Variants in FRAS1 observed in about 807,000 individuals in gnomAD.
FRAS1 encodes the protein extracellular matrix organizing protein FRAS1.
In FRAS1, 290 loss-of-function variants were observed where a neutral mutation model predicts 435.2. The observed-to-expected ratio is 0.67, with a 90% confidence interval of 0.61 to 0.73. The LOEUF (loss-of-function observed/expected upper bound fraction) is 0.73, where lower values mean the gene tolerates loss of function less well. Ranked by LOEUF, FRAS1 falls within the 30% of genes least tolerant of loss-of-function variation. FRAS1 has a pLI of 0.00. For synonymous variants in FRAS1, 1,800 were observed against 1,851.0 expected (o/e 0.97, Z 0.71); for missense variants, 4,860 against 5,001.5 (o/e 0.97, Z 0.85).
Position 78,118,127 on chromosome 4 carries a change from G to A in FRAS1, c.108+52111G>A, listed in dbSNP as rs755644486. 2.5e-4 allele frequency among the ~76,000 whole-genome samples: 38 copies of A among 152,280 alleles called. 1 individual carries two copies. The highest frequency in any genetic ancestry group is 1.5e-3 in the South Asian group (7 of 4,822). ...CCCTCTTTGCCTGGGTATCAGCAGC[G>A]GAGCCTGCAGAACAGCAGATATTGG... On this transcript the variant is annotated intron_variant, in intron 2 of 73. Transcript: ENST00000512123.
In FRAS1 at chr4:78,386,369, G is replaced by A. The variant is rs548534458; in HGVS notation, c.3649-1006G>A. On this transcript the variant is annotated intron_variant, in intron 28 of 73. Coordinates refer to ENST00000512123, the MANE Select transcript of FRAS1 (RefSeq NM_025074.7). Reference sequence around the variant, plus strand: ...CTTTGACTTTTCCTCTTTCAGAGTAGGAGGGGTCACTCTTTCCCATGTATA... The same window carrying A: ...CTTTGACTTTTCCTCTTTCAGAGTAAGAGGGGTCACTCTTTCCCATGTATA... Among the ~76,000 whole-genome samples the A allele has an allele frequency of 8.5e-5, 13 of 152,048 alleles. No individual in the cohort carries two copies. In the South Asian group the frequency reaches 2.7e-3, roughly 32 times the overall value.
At chr4:78,128,836 A>G (rs974739822) in intron 2 of FRAS1, among the ~76,000 whole-genome samples, 5 of 152,158 alleles carry the variant, frequency 3.3e-5, no homozygotes, top group African/African-American at 1.2e-4. Context: ...GCCCATGCCT[A>G]TGTCCTGAAT....
intron 2 of FRAS1, among the ~76,000 whole-genome samples, chr4:78,078,003 G>A (rs1383963968): frequency 6.6e-6 from 1 of 151,534 alleles, no homozygotes; most frequent in African/African-American, 2.4e-5. Flanking sequence ...CTAAATATTA[G>A]ATGAGTTTAT....
chr4:78,278,208 C>T (rs541417965), intron 9 of FRAS1, among the ~76,000 whole-genome samples: 2 of 152,318 alleles, frequency 1.3e-5, no homozygotes, highest in South Asian at 4.1e-4. Flanking sequence ...CTTAAGACTA[C>T]ATCTGTACAT....
chr4:78,319,190 G>C (rs1487156084), intron 18 of FRAS1, among the ~76,000 whole-genome samples: 2 of 152,212 alleles, frequency 1.3e-5, no homozygotes, highest in African/African-American at 4.8e-5. Flanking sequence ...TGATCTTAAA[G>C]AGCTAATCCC....
intron 3 of FRAS1, among the ~76,000 whole-genome samples, chr4:78,241,643 G>A (rs941238100): frequency 5.3e-5 from 8 of 152,108 alleles, no homozygotes; most frequent in Non-Finnish European, 1.2e-4. Context: ...AGGAGAATGG[G>A]AGGCCAGCTG....
chr4:78,186,637 T>C (rs1722282987), intron 2 of FRAS1, among the ~76,000 whole-genome samples: 1 of 152,196 alleles, frequency 6.6e-6, no homozygotes, highest in Non-Finnish European at 1.5e-5. Flanking sequence ...CACAAATCAC[T>C]GTACAAACGG....
chr4:78,273,158 G>A (rs562537195), intron 9 of FRAS1, among the ~76,000 whole-genome samples: 41 of 152,256 alleles, frequency 2.7e-4, no homozygotes, highest in African/African-American at 9.4e-4. Context: ...TTTGCATATC[G>A]ATTTTGTATC....
At chr4:78,298,038 A>C (rs905438545) in intron 14 of FRAS1, among the ~76,000 whole-genome samples, 2,240 of 126,476 alleles carry the variant, frequency 0.018, 35 homozygotes, top group African/African-American at 0.04. Context: ...CTCTATATAT[A>C]TATATATATA....
At chr4:78,127,388 G>C (rs1719419341) in intron 2 of FRAS1, among the ~76,000 whole-genome samples, 1 of 152,168 alleles carries the variant, frequency 6.6e-6, no homozygotes, top group Non-Finnish European at 1.5e-5. Context: ...TCTGGGGAGA[G>C]ATGTGATTAG....
At position 78,522,668 on chromosome 4, in the gene FRAS1, TCA is replaced by T. The variant is rs766192335; in HGVS notation, c.10672_10673del (p.Thr3558SerfsTer18). On this transcript the variant is annotated frameshift_variant, in exon 69 of 74. Transcript: ENST00000512123. LOFTEE classifies it high-confidence loss of function. Reference protein sequence around the residue: ...KFRGQFVMEHHTLPEVKSFVL... With the variant: ...KFRGQFVMEHXTLPEVKSFVL... ...AAATAGGACAGTTTGTGATGGAGCA[TCA>T]CACTCTCCCAGAAGTGAAATCTTTC... The T allele has an allele frequency of 6.2e-7, 1 of 1,606,402 alleles. No individual in the cohort carries two copies. Among genetic ancestry groups the T allele is most frequent in the Non-Finnish European group, 8.5e-7 (1 of 1,175,918 alleles).
intron 60 of FRAS1, 100 bp downstream of exon 60, chr4:78,497,061 A>G (rs552274789): frequency 1.1e-6 from 1 of 895,334 alleles, no homozygotes; most frequent in African/African-American, 1.7e-5. Context: ...TGCTTTAAGA[A>G]TGCCTACTGA....
chr4:78,433,785 G>A lies in FRAS1; in HGVS notation c.5217+1181G>A, dbSNP rs142369171. The stretch of plus-strand genomic sequence containing the variant: ...TGTATGAATTCAGATTTAATCAGAC[G>A]ATCACCAGAGCTTGAAAAATGTTTC... On this transcript the variant is annotated intron_variant, in intron 38 of 73. Transcript: ENST00000512123. 3.5e-3 allele frequency among the ~76,000 whole-genome samples: 533 copies of A among 152,250 alleles called. 4 individuals are homozygous for A. The highest frequency in any genetic ancestry group is 0.012 in the African/African-American group (499 of 41,534).
chr4:78,372,228 G>T (rs554209021), intron 23 of FRAS1, among the ~76,000 whole-genome samples: 1 of 152,344 alleles, frequency 6.6e-6, no homozygotes, highest in East Asian at 1.9e-4. Context: ...TTTGGTCAAT[G>T]CCTGGTTTTG....
intron 9 of FRAS1, among the ~76,000 whole-genome samples, chr4:78,270,441 G>A (rs1412924827): frequency 1.3e-5 from 2 of 152,074 alleles, no homozygotes; most frequent in African/African-American, 4.8e-5. Context: ...GCAGGGCAAG[G>A]CAGCTCACAT....
At chr4:78,194,651 G>A (rs567108441) in intron 2 of FRAS1, among the ~76,000 whole-genome samples, 15 of 152,120 alleles carry the variant, frequency 9.9e-5, no homozygotes, top group African/African-American at 1.7e-4. Flanking sequence ...CTCTGAATTG[G>A]TTATTCTGGT....
At chr4:78,505,750 T>A (rs2109879529) in intron 61 of FRAS1, among the ~76,000 whole-genome samples, 1 of 139,762 alleles carries the variant, frequency 7.2e-6, no homozygotes, top group African/African-American at 2.6e-5. Context: ...AAAGTCATTC[T>A]CCATCCATCT....
At chr4:78,310,772 T>G (rs1728983623) in intron 15 of FRAS1, among the ~76,000 whole-genome samples, 1 of 152,246 alleles carries the variant, frequency 6.6e-6, no homozygotes, top group South Asian at 2.1e-4. Flanking sequence ...GGAATGTTAA[T>G]TAAGACGTCA....
Position 78,499,883 on chromosome 4 carries a change from A to T in FRAS1, c.9278A>T (p.Asp3093Val). 6.3e-7 allele frequency: 1 copy of T among 1,591,560 alleles called. No homozygotes were observed. The highest frequency in any genetic ancestry group is 8.6e-7 in the Non-Finnish European group (1 of 1,164,320). ...TRDGSAQSGV[D>V]YYPKSRVLKF... The stretch of plus-strand genomic sequence containing the variant: ...GATGGCTCTGCCCAGTCTGGTGTGG[A>T]TTATTACCCAAAGAGCCGAGTCTTG... The change falls in exon 61 of 74, where the codon GAT becomes GTT. Residue 3093 changes from aspartate to valine, a missense_variant. Coordinates refer to ENST00000512123, the MANE Select transcript of FRAS1 (RefSeq NM_025074.7).
Sources: allele counts gnomAD v4.1 joint callset (sites outside exome capture counted in the v4.1 genomes callset), GRCh38; gene constraint gnomAD v4.1.1; transcripts MANE v1.5; gene names NCBI Gene and HGNC (gene_info 2026-07-23, HGNC 2026-07-21).